TAFA1: variants seen among roughly 807,000 people sequenced by gnomAD.
TAFA1 encodes the protein TAFA chemokine like family member 1, also known as chemokine-like protein TAFA-1.
In TAFA1, 4 loss-of-function variants were observed where a neutral mutation model predicts 18.5. The ratio of observed to expected loss-of-function variants is 0.22; its 90% CI spans 0.11 to 0.49. The LOEUF (loss-of-function observed/expected upper bound fraction) is 0.49. Ranked by LOEUF, TAFA1 falls within the 20% of genes least tolerant of loss-of-function variation. The pLI, the probability that TAFA1 is intolerant of heterozygous loss-of-function variation, is 0.98. For synonymous variants in TAFA1, 56 were observed against 55.2 expected (o/e 1.01, Z -0.06); for missense variants, 147 against 169.0 (o/e 0.87, Z 0.72).
chr3:68,022,582 A>T (rs1376947450), intron 2 of TAFA1, among the ~76,000 whole-genome samples: 1 of 151,998 alleles, frequency 6.6e-6, no homozygotes. Context: ...AGAGTAAGGG[A>T]TGGAATTTGA....
At chr3:68,006,776 C>T in intron 2 of TAFA1, 32 bp downstream of exon 2, 1 of 1,420,452 alleles carries the variant, frequency 7.0e-7, no homozygotes, top group Non-Finnish European at 1.0e-6. Flanking sequence ...CTGCAGCCTC[C>T]TCCAGTCTTA....
chr3:68,129,192 G>A (rs2065508963), intron 2 of TAFA1, among the ~76,000 whole-genome samples: 1 of 152,200 alleles, frequency 6.6e-6, no homozygotes, highest in Non-Finnish European at 1.5e-5. Context: ...AGGTTAAGCA[G>A]TTTGCCTAAC....
intron 2 of TAFA1, among the ~76,000 whole-genome samples, chr3:68,084,474 C>T (rs554496266): frequency 3.3e-5 from 5 of 152,082 alleles, no homozygotes; most frequent in African/African-American, 9.7e-5. Context: ...TCGGGTTTCA[C>T]CTCTAACTCT....
At chr3:68,099,267 G>A (rs575322027) in intron 2 of TAFA1, among the ~76,000 whole-genome samples, 1 of 152,070 alleles carries the variant, frequency 6.6e-6, no homozygotes, top group Non-Finnish European at 1.5e-5. Flanking sequence ...TCTGAGGAAG[G>A]TCTAATATCC....
At chr3:68,229,536 T>C (rs138348803) in intron 2 of TAFA1, among the ~76,000 whole-genome samples, 28 of 152,258 alleles carry the variant, frequency 1.8e-4, no homozygotes, top group African/African-American at 6.5e-4. Context: ...TGGCAAATGA[T>C]GCAAAACACT....
At chr3:68,266,264 A>G (rs890825926) in intron 2 of TAFA1, among the ~76,000 whole-genome samples, 1 of 152,188 alleles carries the variant, frequency 6.6e-6, no homozygotes, top group Non-Finnish European at 1.5e-5. Context: ...AGCAGTTGGT[A>G]GAGAGTGAAG....
At chr3:68,122,579 A>C (rs1455853886) in intron 2 of TAFA1, among the ~76,000 whole-genome samples, 1 of 152,176 alleles carries the variant, frequency 6.6e-6, no homozygotes, top group Non-Finnish European at 1.5e-5. Context: ...GTTAAATATG[A>C]ATTTAGGACC....
At chr3:68,468,676 G>A (rs552254912) in intron 3 of TAFA1, among the ~76,000 whole-genome samples, 1 of 152,256 alleles carries the variant, frequency 6.6e-6, no homozygotes, top group East Asian at 1.9e-4. Context: ...ATTATCCATG[G>A]ATTTCAATTA....
upstream of TAFA1, among the ~76,000 whole-genome samples, chr3:68,001,424 C>T (rs1704282350): frequency 6.6e-6 from 1 of 152,114 alleles, no homozygotes; most frequent in South Asian, 2.1e-4. Context: ...ACTGAAAATT[C>T]TGCCTTACGG....
chr3:68,120,471 A>G (rs1559527826), intron 2 of TAFA1, among the ~76,000 whole-genome samples: 3 of 151,674 alleles, frequency 2.0e-5, no homozygotes. Flanking sequence ...CTGGTCTCGA[A>G]CTCCTGATCT....
At chr3:68,350,801 G>A (rs2069252751) in intron 2 of TAFA1, among the ~76,000 whole-genome samples, 2 of 152,230 alleles carry the variant, frequency 1.3e-5, no homozygotes, top group East Asian at 1.9e-4. Flanking sequence ...AAGTAGTCGT[G>A]TGGCCGTGGA....
chr3:68,129,823 T>C (rs1303353396), intron 2 of TAFA1, among the ~76,000 whole-genome samples: 1 of 152,144 alleles, frequency 6.6e-6, no homozygotes. Flanking sequence ...AAGAAAAAAG[T>C]TCCTTCTTGA....
At chr3:68,159,251 T>C (rs1234875091) in intron 2 of TAFA1, among the ~76,000 whole-genome samples, 2 of 152,162 alleles carry the variant, frequency 1.3e-5, no homozygotes, top group Non-Finnish European at 2.9e-5. Flanking sequence ...AATCCCCTCA[T>C]CGCCTGATTA....
At chr3:68,259,625 T>C (rs946696032) in intron 2 of TAFA1, among the ~76,000 whole-genome samples, 6 of 152,154 alleles carry the variant, frequency 3.9e-5, no homozygotes, top group African/African-American at 1.4e-4. Context: ...AGCAGTGGTT[T>C]GTAGTTCTCC....
intron 2 of TAFA1, among the ~76,000 whole-genome samples, chr3:68,369,686 T>C (rs1379623133): frequency 1.3e-5 from 2 of 152,228 alleles, no homozygotes; most frequent in African/African-American, 4.8e-5. Flanking sequence ...TTGCCATCAC[T>C]CACTCTCACA....
At chr3:68,330,562 CACTT>C (rs2068849951) in intron 2 of TAFA1, among the ~76,000 whole-genome samples, 1 of 152,192 alleles carries the variant, frequency 6.6e-6, no homozygotes, top group Admixed American at 6.5e-5. Flanking sequence ...TGTGTTATCA[CACTT>C]AATCCCCAAA....
chr3:68,420,145 G>A (rs1224196711), intron 3 of TAFA1, among the ~76,000 whole-genome samples: 2 of 152,188 alleles, frequency 1.3e-5, no homozygotes, highest in East Asian at 3.9e-4. Flanking sequence ...AAGAAAAGAT[G>A]TGATTGGCCC....
intron 3 of TAFA1, among the ~76,000 whole-genome samples, chr3:68,460,199 AG>A (rs1482386139): frequency 6.6e-6 from 1 of 152,170 alleles, no homozygotes; most frequent in Non-Finnish European, 1.5e-5. Flanking sequence ...AAGTTAAAAA[AG>A]GGATGGGACA....
At chr3:68,041,936 T>C (rs1473760055) in intron 2 of TAFA1, among the ~76,000 whole-genome samples, 1 of 152,322 alleles carries the variant, frequency 6.6e-6, no homozygotes, top group Non-Finnish European at 1.5e-5. Flanking sequence ...GAGTAGAGAT[T>C]GCAAACATAT....
Sources: allele counts gnomAD v4.1 joint callset (sites outside exome capture counted in the v4.1 genomes callset), GRCh38; gene constraint gnomAD v4.1.1; transcripts MANE v1.5; gene names NCBI Gene and HGNC (gene_info 2026-07-23, HGNC 2026-07-21).